HERC3: variants seen among roughly 807,000 people sequenced by gnomAD.
HERC3 encodes the protein HECT and RLD domain containing E3 ubiquitin protein ligase 3.
In HERC3, 58 loss-of-function variants were observed where a neutral mutation model predicts 129.9. The observed-to-expected ratio is 0.45, with a 90% CI of 0.36 to 0.56. HERC3 has a LOEUF of 0.56. HERC3 is among the 20% of genes least tolerant of loss of function. HERC3 has a pLI of 0.00. For missense variants in HERC3, 835 were observed against 1,244.2 expected, an observed-to-expected ratio of 0.67 and a Z score of 4.95; for synonymous variants, 430 against 451.0, an observed-to-expected ratio of 0.95 and a Z score of 0.59.
intron 1 of HERC3, among the ~76,000 whole-genome samples, chr4:88,594,833 G>T (rs1034601887): frequency 2.0e-5 from 3 of 152,126 alleles, no homozygotes; most frequent in Non-Finnish European, 2.9e-5. Flanking sequence ...GGGCGCAGTG[G>T]CTCACACCTG....
At chr4:88,589,442 C>T (rs1721607661), upstream of HERC3, among the ~76,000 whole-genome samples, 1 of 152,126 alleles carries the variant, frequency 6.6e-6, no homozygotes, top group Non-Finnish European at 1.5e-5. Flanking sequence ...TACAGGTTAG[C>T]AAGTATATAT....
At chr4:88,634,474 C>G (rs1207458264) in intron 3 of HERC3, among the ~76,000 whole-genome samples, 1 of 152,128 alleles carries the variant, frequency 6.6e-6, no homozygotes, top group Non-Finnish European at 1.5e-5. Flanking sequence ...GGCTAAGGGA[C>G]AGAACTCTGA....
At chr4:88,672,727 T>C (rs917561778) in intron 16 of HERC3, among the ~76,000 whole-genome samples, 6 of 152,222 alleles carry the variant, frequency 3.9e-5, no homozygotes, top group Non-Finnish European at 8.8e-5. Flanking sequence ...GCATCCTCTT[T>C]TGTGAGTAAG....
At chr4:88,621,587 A>G (rs1382569845) in intron 3 of HERC3, among the ~76,000 whole-genome samples, 2 of 152,194 alleles carry the variant, frequency 1.3e-5, no homozygotes, top group Non-Finnish European at 2.9e-5. Context: ...ATTTCTAGAC[A>G]GGATCACACA....
intron 7 of HERC3, among the ~76,000 whole-genome samples, chr4:88,654,692 G>T (rs1165450030): frequency 6.6e-6 from 1 of 151,710 alleles, no homozygotes; most frequent in East Asian, 1.9e-4. Flanking sequence ...ATTCTAGAGA[G>T]AATGAAAATG....
the HERC3 span, among the ~76,000 whole-genome samples, chr4:88,537,662 C>T: frequency 6.6e-6 from 1 of 152,172 alleles, no homozygotes; most frequent in Non-Finnish European, 1.5e-5. Context: ...CCAAGTGTTC[C>T]TCTGTGTTCT....
intron 24 of HERC3, 98 bp from the exon 25 acceptor site, chr4:88,704,410 T>G: frequency 8.4e-7 from 1 of 1,196,130 alleles, no homozygotes; most frequent in Non-Finnish European, 1.2e-6. Flanking sequence ...GTCCTGTATC[T>G]CAGCACTTAT....
chr4:88,612,298 TG>T (rs1318662655), intron 3 of HERC3, among the ~76,000 whole-genome samples: 3 of 133,506 alleles, frequency 2.2e-5, no homozygotes, highest in East Asian at 3.6e-4. Context: ...ACTGTGTGTG[TG>T]TGTGTGTGTG....
intron 3 of HERC3, among the ~76,000 whole-genome samples, chr4:88,636,262 CAG>C (rs1727382537): frequency 6.6e-6 from 1 of 152,084 alleles, no homozygotes; most frequent in Non-Finnish European, 1.5e-5. Context: ...ATCTCATGTG[CAG>C]AGACACACAT....
In HERC3 at chr4:88,701,789, G is replaced by A. The variant is rs193219775; in HGVS notation, c.2658-2309G>A. ...TTTTTATACTTTTTATAATAAACAT[G>A]TATGTTAAAACAGATTTTTTTTTTT... On this transcript the variant is annotated intron_variant, in intron 23 of 25. Coordinates refer to ENST00000402738, the MANE Select transcript of HERC3 (RefSeq NM_014606.3). Among the ~76,000 whole-genome samples, 645 of 149,310 alleles carry A rather than the reference G, an allele frequency of 4.3e-3. 9 individuals carry two copies. Among genetic ancestry groups the A allele is most frequent in the African/African-American group, 0.015 (611 of 40,262 alleles).
At position 88,678,110 on chromosome 4, in the gene HERC3, T is replaced by C. The variant is rs143788839; in HGVS notation, c.2172T>C (p.Asp724=). ...DALRELSIHS[D]IDLKKPLKVI... is the part of the protein sequence containing the mutation. ...TAAGAGAGCTGAGCATTCATTCTGA[T>C]ATTGATTTGAAAAAGCCTCTCAAAG... The change falls in exon 19 of 26, where the codon GAT becomes GAC. Residue 724 remains aspartate, a synonymous_variant. Coordinates refer to ENST00000402738, the MANE Select transcript of HERC3 (RefSeq NM_014606.3). The C allele has an allele frequency of 6.2e-7, 1 of 1,613,908 alleles. No homozygotes were observed. The highest frequency in any genetic ancestry group is 8.5e-7 in the Non-Finnish European group (1 of 1,179,966).
chr4:88,629,310 CTT>C (rs1252818152), intron 3 of HERC3, among the ~76,000 whole-genome samples: 1 of 126,372 alleles, frequency 7.9e-6, no homozygotes, highest in East Asian at 2.6e-4. Context: ...ATTGGTATTT[CTT>C]TGGTTTATCT....
chr4:88,701,976 G>C (rs117193798), intron 23 of HERC3, among the ~76,000 whole-genome samples: 1 of 151,856 alleles, frequency 6.6e-6, no homozygotes, highest in Non-Finnish European at 1.5e-5. Context: ...CTAATTTTTT[G>C]TGGAGACTGG....
intron 3 of HERC3, among the ~76,000 whole-genome samples, chr4:88,606,333 C>A (rs1445584414): frequency 3.3e-5 from 5 of 151,470 alleles, no homozygotes; most frequent in African/African-American, 1.2e-4. Context: ...CTCACTGCAA[C>A]CTCCACCTCC....
the HERC3 span, among the ~76,000 whole-genome samples, chr4:88,576,692 T>A: frequency 4.5e-4 from 69 of 152,304 alleles, no homozygotes; most frequent in Non-Finnish European, 2.2e-4. Flanking sequence ...TCAAGGCCTC[T>A]GCTATTTTTT....
the HERC3 span, among the ~76,000 whole-genome samples, chr4:88,546,410 C>T: frequency 6.6e-6 from 1 of 152,182 alleles, no homozygotes; most frequent in Non-Finnish European, 1.5e-5. Flanking sequence ...AAAAGGAGAA[C>T]TTGAATATTA....
At chr4:88,550,882 C>A in the HERC3 span, among the ~76,000 whole-genome samples, 1 of 151,888 alleles carries the variant, frequency 6.6e-6, no homozygotes, top group Non-Finnish European at 1.5e-5. Flanking sequence ...TGACTTCAAA[C>A]TATACTACAA....
the HERC3 span, among the ~76,000 whole-genome samples, chr4:88,555,513 A>G: frequency 3.3e-5 from 5 of 152,200 alleles, no homozygotes; most frequent in African/African-American, 4.8e-5. Context: ...GTATGCTACA[A>G]GTGAAAATTT....
chr4:88,637,524 C>G (rs1267791513), intron 3 of HERC3, among the ~76,000 whole-genome samples: 2 of 152,170 alleles, frequency 1.3e-5, no homozygotes, highest in Non-Finnish European at 2.9e-5. Context: ...AGGCAGAAAT[C>G]AAGAAGTTAT....
Sources: gnomAD v4.1 joint callset for allele counts (sites outside exome capture counted in the v4.1 genomes callset) on GRCh38, gnomAD v4.1.1 for gene constraint, MANE v1.5 for transcripts, NCBI Gene and HGNC (gene_info 2026-07-23, HGNC 2026-07-21) for gene names.